MAN1C1: variants seen among roughly 807,000 people sequenced by gnomAD.
MAN1C1 encodes mannosidase alpha class 1C member 1, also known as mannosyl-oligosaccharide 1,2-alpha-mannosidase IC.
In MAN1C1, 49 loss-of-function variants were observed where a neutral mutation model predicts 71.5. The observed-to-expected ratio is 0.69, with a 90% confidence interval of 0.54 to 0.87. MAN1C1 has a LOEUF of 0.87. MAN1C1 is among the 40% of genes least tolerant of loss of function. The pLI, the probability that MAN1C1 is intolerant of heterozygous loss-of-function variation, is 0.00. For synonymous variants in MAN1C1, 352 were observed against 343.7 expected, an observed-to-expected ratio of 1.02 and a Z score of -0.27; for missense variants, 743 against 835.0, an observed-to-expected ratio of 0.89 and a Z score of 1.36.
intron 2 of MAN1C1, among the ~76,000 whole-genome samples, chr1:25,739,356 C>T (rs559949815): frequency 1.2e-4 from 18 of 152,290 alleles, no homozygotes; most frequent in Non-Finnish European, 2.2e-4. Context: ...CTGAGAAAAA[C>T]GTGTGTGTTG....
At chr1:25,644,194 C>T (rs1257265312) in intron 1 of MAN1C1, among the ~76,000 whole-genome samples, 1 of 152,020 alleles carries the variant, frequency 6.6e-6, no homozygotes, top group Non-Finnish European at 1.5e-5. Flanking sequence ...GAAAGAATGG[C>T]ATTTCAGGAG....
At chr1:25,771,065 C>T (rs1284498419) in intron 7 of MAN1C1, among the ~76,000 whole-genome samples, 3 of 152,182 alleles carry the variant, frequency 2.0e-5, no homozygotes, top group African/African-American at 7.2e-5. Context: ...GGCTGGCCCA[C>T]TGTCCAGCAG....
intron 1 of MAN1C1, among the ~76,000 whole-genome samples, chr1:25,641,831 A>T (rs2045541669): frequency 6.6e-6 from 1 of 152,252 alleles, no homozygotes; most frequent in Non-Finnish European, 1.5e-5. Context: ...AGTTTTCCAG[A>T]GTTAAGAGCA....
rs377535191 is a variant in MAN1C1 at position 25,753,527 on chromosome 1, C to A, written c.878C>A (p.Pro293Gln). Reference protein sequence around the residue: ...KAIRLGEKLLPAFNTPTGIPK... With the variant: ...KAIRLGEKLLQAFNTPTGIPK... ...ATCAGGCTGGGAGAGAAGCTCCTGCCGGCGTTCAACACCCCCACGGGAATC... is the reference window on the plus strand; with the variant it reads ...ATCAGGCTGGGAGAGAAGCTCCTGCAGGCGTTCAACACCCCCACGGGAATC... The change falls in exon 5 of 12, where the codon CCG (proline) becomes CAG (glutamine). Residue 293 changes from proline to glutamine, a missense_variant. Transcript: ENST00000374332. The surrounding 1 kb of genome is among the most constrained non-coding windows in gnomAD (Gnocchi z 4.9). 4 of 1,613,796 alleles carry A rather than the reference C, an allele frequency of 2.5e-6. No individual in the cohort carries two copies. Among genetic ancestry groups the A allele is most frequent in the South Asian group, 2.2e-5 (2 of 91,048 alleles).
intron 2 of MAN1C1, among the ~76,000 whole-genome samples, chr1:25,744,133 G>T (rs569342869): frequency 6.6e-6 from 1 of 152,272 alleles, no homozygotes; most frequent in East Asian, 1.9e-4. Context: ...GATAGAACAG[G>T]AAGGGGCCTG....
intron 5 of MAN1C1, among the ~76,000 whole-genome samples, chr1:25,754,383 T>G (rs927087365): frequency 6.6e-6 from 1 of 152,214 alleles, no homozygotes; most frequent in South Asian, 2.1e-4. Flanking sequence ...CTGGGGAGGT[T>G]GCACCTTCGT....
chr1:25,749,206 G>C (rs776962386), intron 3 of MAN1C1, 49 bp from the exon 4 acceptor site: 2 of 1,512,470 alleles, frequency 1.3e-6, no homozygotes, highest in South Asian at 2.4e-5. Flanking sequence ...TCAAGGGCCT[G>C]CATCTTACAA....
chr1:25,686,565 GGGAGGGACCCACC>G, intron 2 of MAN1C1, 29 bp downstream of exon 2: 1 of 1,596,552 alleles, frequency 6.3e-7, no homozygotes, highest in South Asian at 1.1e-5. Flanking sequence ...CTTTGATATT[GGGAGGGACCCACC>G]GCCCCGCCAG....
chr1:25,720,827 A>G (rs1178544390), intron 2 of MAN1C1, among the ~76,000 whole-genome samples: 1 of 152,158 alleles, frequency 6.6e-6, no homozygotes, highest in East Asian at 1.9e-4. Context: ...GCCATGACTC[A>G]TTTCGAGTTT....
intron 1 of MAN1C1, among the ~76,000 whole-genome samples, chr1:25,636,872 C>T (rs529787783): frequency 9.2e-5 from 14 of 152,222 alleles, no homozygotes; most frequent in East Asian, 1.9e-4. Flanking sequence ...CCACAACACT[C>T]GGCCAGGCAT....
At chr1:25,665,476 C>T (rs909554771) in intron 1 of MAN1C1, among the ~76,000 whole-genome samples, 17 of 152,122 alleles carry the variant, frequency 1.1e-4, no homozygotes, top group East Asian at 3.8e-4. Context: ...AGTAGCAAGA[C>T]GGAAAAACGC....
At position 25,711,682 on chromosome 1, in the gene MAN1C1, G is replaced by A. The variant is rs185410551; in HGVS notation, c.637+25146G>A. ...CCCTGCGGCCCCGCCCCTCCCCTGCGTGCTGCAAGCCTGCCCCGGGCCCCA... is the reference window on the plus strand; with the variant it reads ...CCCTGCGGCCCCGCCCCTCCCCTGCATGCTGCAAGCCTGCCCCGGGCCCCA... On this transcript the variant is annotated intron_variant, in intron 2 of 11. Coordinates refer to ENST00000374332, the MANE Select transcript of MAN1C1 (RefSeq NM_020379.4). The surrounding 1 kb of genome is among the most constrained non-coding windows in gnomAD (Gnocchi z 4.3). 4.5e-3 allele frequency among the ~76,000 whole-genome samples: 630 copies of A among 141,160 alleles called. 3 individuals are homozygous for A. The highest frequency in any genetic ancestry group is 0.014 in the African/African-American group (537 of 37,544). 92.6% of individuals were successfully genotyped at this position (141,160 alleles called of 152,430 possible).
At chr1:25,628,483 T>A (rs187776686) in intron 1 of MAN1C1, among the ~76,000 whole-genome samples, 1 of 152,242 alleles carries the variant, frequency 6.6e-6, no homozygotes, top group East Asian at 1.9e-4. Context: ...AATTTTTGTA[T>A]TTTTAATAGA....
At chr1:25,701,153 C>A (rs140343122) in intron 2 of MAN1C1, among the ~76,000 whole-genome samples, 1 of 152,202 alleles carries the variant, frequency 6.6e-6, no homozygotes, top group East Asian at 1.9e-4. Flanking sequence ...GCACCATTGC[C>A]GGGACCAGAG....
At chr1:25,781,495 C>T (rs1183872373) in intron 10 of MAN1C1, among the ~76,000 whole-genome samples, 2 of 152,170 alleles carry the variant, frequency 1.3e-5, no homozygotes, top group Non-Finnish European at 2.9e-5. Context: ...ACCTCCACCT[C>T]CCTCCTCTTC....
In MAN1C1 at chr1:25,643,558, AC is replaced by A. The variant is rs2045567665; in HGVS notation, c.540+25223del. Reference sequence around the variant, plus strand: ...AGTGTTGGGATTACAGGCCTGACCCACCACGCCTGGCCTTTTATATATATAT... The same window carrying A: ...AGTGTTGGGATTACAGGCCTGACCCACACGCCTGGCCTTTTATATATATAT... On this transcript the variant is annotated intron_variant, in intron 1 of 11. Coordinates refer to ENST00000374332, the MANE Select transcript of MAN1C1 (RefSeq NM_020379.4). 3.5e-5 allele frequency among the ~76,000 whole-genome samples: 5 copies of A among 143,648 alleles called. No individual in the cohort carries two copies. The Admixed American group carries it at 3.5e-4, about 10-fold the overall frequency. 94.2% of individuals were successfully genotyped at this position (143,648 alleles called of 152,430 possible).
chr1:25,767,621 C>G (rs2047455169), intron 7 of MAN1C1, among the ~76,000 whole-genome samples: 1 of 75,006 alleles, frequency 1.3e-5, no homozygotes, highest in South Asian at 7.3e-4. Context: ...CATCCACACT[C>G]CCCTCACACA....
chr1:25,738,523 A>G (rs937691202), intron 2 of MAN1C1, among the ~76,000 whole-genome samples: 2 of 152,224 alleles, frequency 1.3e-5, no homozygotes, highest in South Asian at 2.1e-4. Flanking sequence ...TATTATGCTC[A>G]CAGATTGAGT....
At chr1:25,696,507 A>G (rs894973767) in intron 2 of MAN1C1, among the ~76,000 whole-genome samples, 9 of 152,136 alleles carry the variant, frequency 5.9e-5, no homozygotes, top group African/African-American at 2.2e-4. Flanking sequence ...AGTCTAATGG[A>G]TTTTACATAT....
Sources: allele counts gnomAD v4.1 joint callset (sites outside exome capture counted in the v4.1 genomes callset), GRCh38; gene constraint gnomAD v4.1.1; non-coding constraint Gnocchi (gnomAD v3.1); transcripts MANE v1.5; gene names NCBI Gene and HGNC (gene_info 2026-07-23, HGNC 2026-07-21).